IL1RAPL2: variants seen among roughly 807,000 people sequenced by gnomAD.
The protein encoded by IL1RAPL2 is interleukin 1 receptor accessory protein like 2.
A neutral mutation model predicts 44.1 loss-of-function variants in IL1RAPL2; 3 were observed. That is an observed-to-expected ratio of 0.07 (90% CI 0.03 to 0.18). The LOEUF (loss-of-function observed/expected upper bound fraction) is 0.18. Among genes scored for constraint, IL1RAPL2 ranks in the 10% least tolerant of loss-of-function variants. The pLI, the probability that IL1RAPL2 is intolerant of heterozygous loss-of-function variation, is 1.00. For missense variants in IL1RAPL2, 391 were observed against 496.4 expected (o/e 0.79, Z 2.02); for synonymous variants, 181 against 178.8 (o/e 1.01, Z -0.10).
intron 2 of IL1RAPL2, among the ~76,000 whole-genome samples, chrX:104,851,020 T>A (rs1276953038): frequency 2.7e-5 from 3 of 111,222 alleles, no homozygotes; most frequent in Admixed American, 9.7e-5. Flanking sequence ...GAGAATCCTG[T>A]TCTTTTTTTT....
intron 2 of IL1RAPL2, among the ~76,000 whole-genome samples, chrX:104,987,857 A>G (rs1429483353): frequency 9.0e-6 from 1 of 111,691 alleles, no homozygotes; most frequent in Non-Finnish European, 1.9e-5. Flanking sequence ...TCCCCAGGCA[A>G]GAGGTATGGT....
intron 2 of IL1RAPL2, among the ~76,000 whole-genome samples, chrX:104,737,135 G>T (rs908191013): frequency 1.8e-5 from 2 of 112,600 alleles, no homozygotes; most frequent in African/African-American, 6.4e-5. Context: ...TCAGCTCAAG[G>T]CCATGGAAAA....
intron 2 of IL1RAPL2, among the ~76,000 whole-genome samples, chrX:105,140,057 A>G (rs1443568161): frequency 1.8e-5 from 2 of 112,292 alleles, no homozygotes; most frequent in African/African-American, 6.5e-5. Context: ...GAAACAAAAG[A>G]AATAAAATTG....
intron 6 of IL1RAPL2, among the ~76,000 whole-genome samples, chrX:105,685,951 C>T (rs2037968843): frequency 1.8e-5 from 2 of 111,169 alleles, no homozygotes; most frequent in East Asian, 2.8e-4. Flanking sequence ...TCCAGCCAAA[C>T]TAAGGTTCAT....
intron 2 of IL1RAPL2, among the ~76,000 whole-genome samples, chrX:104,979,728 T>A (rs2030402466): frequency 8.9e-6 from 1 of 112,154 alleles, no homozygotes; most frequent in African/African-American, 3.2e-5. Flanking sequence ...AGTTAACAAA[T>A]AACATAGAAG....
At chrX:104,702,444 A>C (rs531857474) in intron 2 of IL1RAPL2, among the ~76,000 whole-genome samples, 2 of 112,097 alleles carry the variant, frequency 1.8e-5, no homozygotes, top group African/African-American at 6.5e-5. Context: ...TAGTTTTTAC[A>C]ACAAAAAACA....
chrX:105,347,898 G>T (rs895915140), intron 5 of IL1RAPL2, among the ~76,000 whole-genome samples: 5 of 111,312 alleles, frequency 4.5e-5, no homozygotes, highest in African/African-American at 3.3e-5. Context: ...GTCCTCTGGG[G>T]AGCAAAATTG....
chrX:105,483,962 T>C (rs184773485), intron 5 of IL1RAPL2, among the ~76,000 whole-genome samples: 37 of 111,799 alleles, frequency 3.3e-4, no homozygotes, highest in Non-Finnish European at 1.9e-5. Context: ...AGAATACCAC[T>C]ACAAAGCATA....
At chrX:104,694,704 T>G (rs1312735165) in intron 2 of IL1RAPL2, among the ~76,000 whole-genome samples, 1 of 111,451 alleles carries the variant, frequency 9.0e-6, no homozygotes, top group Non-Finnish European at 1.9e-5. Context: ...TGGGTGACAG[T>G]CAAGGTGACT....
intron 2 of IL1RAPL2, among the ~76,000 whole-genome samples, chrX:104,760,092 C>T (rs1043458019): frequency 5.4e-5 from 6 of 111,765 alleles, no homozygotes; most frequent in African/African-American, 1.3e-4. Flanking sequence ...TAATGATCTC[C>T]GGTTCCATCC....
chrX:104,954,126 A>G (rs1925653303), intron 2 of IL1RAPL2, among the ~76,000 whole-genome samples: 1 of 112,247 alleles, frequency 8.9e-6, no homozygotes, highest in African/African-American at 3.2e-5. Flanking sequence ...AATGTCATGT[A>G]AGTAAAATGG....
intron 2 of IL1RAPL2, among the ~76,000 whole-genome samples, chrX:104,839,775 G>C (rs1921853087): frequency 9.0e-6 from 1 of 111,544 alleles, no homozygotes; most frequent in South Asian, 3.7e-4. Flanking sequence ...ACTTGTTATT[G>C]GTCTATTCAG....
intron 1 of IL1RAPL2, among the ~76,000 whole-genome samples, chrX:104,614,004 TTATC>T (rs1395733579): frequency 5.4e-5 from 6 of 110,554 alleles, no homozygotes; most frequent in Non-Finnish European, 9.5e-5. Context: ...TAGCCTCTAA[TTATC>T]TTTTATATTT....
chrX:105,002,470 G>A (rs1162046501), intron 2 of IL1RAPL2, among the ~76,000 whole-genome samples: 1 of 111,200 alleles, frequency 9.0e-6, no homozygotes, highest in Non-Finnish European at 1.9e-5. Flanking sequence ...TACATATTTT[G>A]AAATTTCTCC....
chrX:105,159,479 A>G (rs2033302123), intron 2 of IL1RAPL2, among the ~76,000 whole-genome samples: 1 of 112,532 alleles, frequency 8.9e-6, no homozygotes, highest in Non-Finnish European at 1.9e-5. Flanking sequence ...GATATGAAAT[A>G]GGATAGGGAA....
rs779849641 is a variant in IL1RAPL2 at position 104,691,723 on chromosome X, G to A, written c.82+32728G>A. ...CTAGAAAGGAATTAGTTTTGCCAGC[G>A]AGAGTTGAAACAAGGACGCTACTGC... On this transcript the variant is annotated intron_variant, in intron 2 of 10. Transcript: ENST00000372582. 2.5e-4 allele frequency among the ~76,000 whole-genome samples: 28 copies of A among 111,916 alleles called. 1 individual carries two copies. Among genetic ancestry groups the A allele is most frequent in the African/African-American group, 8.7e-4 (27 of 30,885 alleles).
chrX:105,560,333 C>T (rs1271291262), intron 6 of IL1RAPL2, among the ~76,000 whole-genome samples: 1 of 112,172 alleles, frequency 8.9e-6, no homozygotes, highest in African/African-American at 3.2e-5. Context: ...TGGGCGACAT[C>T]TTGCACCCCT....
intron 2 of IL1RAPL2, among the ~76,000 whole-genome samples, chrX:104,700,712 G>C (rs5962972): frequency 9.9e-5 from 11 of 111,208 alleles, no homozygotes; most frequent in Non-Finnish European, 1.5e-4. Context: ...GGGGTCATTT[G>C]GTATAAAAGA....
intron 5 of IL1RAPL2, among the ~76,000 whole-genome samples, chrX:105,298,267 A>G (rs2034669419): frequency 8.9e-6 from 1 of 111,950 alleles, no homozygotes; most frequent in Admixed American, 9.6e-5. Flanking sequence ...GTACCCTTTA[A>G]CGAGCAAGGA....
Sources: gnomAD v4.1 joint callset for allele counts (sites outside exome capture counted in the v4.1 genomes callset) on GRCh38, gnomAD v4.1.1 for gene constraint, MANE v1.5 for transcripts, NCBI Gene and HGNC (gene_info 2026-07-23, HGNC 2026-07-21) for gene names.